Variants in CPS1 observed in about 807,000 individuals in gnomAD.
The protein encoded by CPS1 is carbamoyl-phosphate synthase 1.
In CPS1, 109 loss-of-function variants were observed where a neutral mutation model predicts 174.6. That is an observed-to-expected ratio of 0.62 (90% CI 0.53 to 0.73). The LOEUF (loss-of-function observed/expected upper bound fraction) is 0.73, where lower values mean the gene tolerates loss of function less well. Ranked by LOEUF, CPS1 falls within the 30% of genes least tolerant of loss-of-function variation. CPS1 has a pLI of 0.00. For synonymous variants in CPS1, 637 were observed against 632.0 expected (o/e 1.01, Z -0.12); for missense variants, 1,689 against 1,821.9 (o/e 0.93, Z 1.33).
intron 28 of CPS1, among the ~76,000 whole-genome samples, chr2:210,650,814 C>T (rs1197766022): frequency 6.6e-6 from 1 of 152,166 alleles, no homozygotes; most frequent in African/African-American, 2.4e-5. Context: ...GGCTGCTCAA[C>T]CATGCTCACC....
chr2:210,617,019 G>A (rs1022415179), intron 21 of CPS1, among the ~76,000 whole-genome samples: 5 of 151,940 alleles, frequency 3.3e-5, no homozygotes, highest in Admixed American at 6.6e-5. Flanking sequence ...TTTAAATTGG[G>A]ACATTCAGTT....
At chr2:210,652,977 G>A (rs1174372226) in intron 28 of CPS1, among the ~76,000 whole-genome samples, 1 of 152,174 alleles carries the variant, frequency 6.6e-6, no homozygotes, top group Non-Finnish European at 1.5e-5. Flanking sequence ...GATACCAAAG[G>A]AAGAAAGTGT....
chr2:210,667,205 T>G (rs1351532594), intron 33 of CPS1, among the ~76,000 whole-genome samples: 1 of 152,194 alleles, frequency 6.6e-6, no homozygotes, highest in Admixed American at 6.5e-5. Flanking sequence ...TGAAGTTGCT[T>G]ATCAGCTTAA....
At chr2:210,587,487 A>G (rs182511183) in intron 6 of CPS1, among the ~76,000 whole-genome samples, 4 of 152,180 alleles carry the variant, frequency 2.6e-5, no homozygotes, top group African/African-American at 9.6e-5. Context: ...TATGAAATCT[A>G]CCATTTAAAT....
chr2:210,597,660 G>A (rs1240174990), intron 13 of CPS1, among the ~76,000 whole-genome samples: 1 of 151,740 alleles, frequency 6.6e-6, no homozygotes, highest in African/African-American at 2.4e-5. Flanking sequence ...ACATGCTAAT[G>A]TATGAAATAA....
chr2:210,545,398 G>A (rs1166134069), intron 1 of CPS1, among the ~76,000 whole-genome samples: 4 of 151,912 alleles, frequency 2.6e-5, no homozygotes, highest in Non-Finnish European at 5.9e-5. Context: ...ATATAACTTT[G>A]GTATGAGCCT....
chr2:210,653,955 A>G, intron 28 of CPS1, 70 bp from the exon 29 acceptor site: 2 of 1,200,702 alleles, frequency 1.7e-6, no homozygotes, highest in Non-Finnish European at 2.5e-6. Context: ...TACTTAAAGT[A>G]CATGGCTTAT....
At chr2:210,619,025 G>A (rs1699413279) in intron 21 of CPS1, 1 of 152,018 alleles carries the variant, frequency 6.6e-6, no homozygotes, top group African/African-American at 2.4e-5. Context: ...GATTTATTTG[G>A]TGTGCGTTCA....
intron 16 of CPS1, 149 bp from the exon 17 acceptor site, chr2:210,604,953 C>A: frequency 1.3e-6 from 1 of 764,732 alleles, no homozygotes; most frequent in Non-Finnish European, 2.2e-6. Flanking sequence ...GATTTTCTGA[C>A]ACATTGTGCC....
chr2:210,590,355 C>A, intron 8 of CPS1, 121 bp downstream of exon 8: 1 of 1,403,526 alleles, frequency 7.1e-7, no homozygotes, highest in Non-Finnish European at 1.0e-6. Flanking sequence ...GTATTTGTGA[C>A]TTCTGAGGCA....
intron 9 of CPS1, 114 bp downstream of exon 9, chr2:210,591,020 C>A: frequency 2.4e-6 from 1 of 414,178 alleles, no homozygotes; most frequent in Non-Finnish European, 4.4e-6. Flanking sequence ...GCACATGTAC[C>A]CTAAAACTTA....
chr2:210,592,020 T>C (rs1273607557), intron 10 of CPS1, 51 bp downstream of exon 10: 1 of 1,574,076 alleles, frequency 6.4e-7, no homozygotes, highest in Non-Finnish European at 8.6e-7. Flanking sequence ...ACGCAGGGCT[T>C]TTAAAAATAA....
chr2:210,514,295 T>C (rs1367176382), intron 1 of CPS1, among the ~76,000 whole-genome samples: 1 of 152,054 alleles, frequency 6.6e-6, no homozygotes, highest in Non-Finnish European at 1.5e-5. Flanking sequence ...TTTAATAATA[T>C]TGATTCTTCC....
intron 1 of CPS1, among the ~76,000 whole-genome samples, chr2:210,566,486 C>T (rs749696267): frequency 6.6e-6 from 1 of 152,090 alleles, no homozygotes; most frequent in African/African-American, 2.4e-5. Context: ...TCTTGGTTGA[C>T]CTGGGCCTGT....
Position 210,664,355 on chromosome 2 carries a change from A to G in CPS1, c.4002+1158A>G, listed in dbSNP as rs139229378. On this transcript the variant is annotated intron_variant, in intron 33 of 37. Coordinates refer to ENST00000233072, the MANE Select transcript of CPS1 (RefSeq NM_001875.5). ...TTTTCTTTCTTCCTTTTTTTTTTGA[A>G]ACGGAGTTTTGCTCGCTCTTGTTGC... Among the ~76,000 whole-genome samples, 248 of 151,480 alleles carry G rather than the reference A, an allele frequency of 1.6e-3. 1 individual carries two copies. Among genetic ancestry groups the G allele is most frequent in the African/African-American group, 5.7e-3 (235 of 41,308 alleles).
At chr2:210,655,624 G>A (rs1700680089) in intron 29 of CPS1, among the ~76,000 whole-genome samples, 1 of 152,002 alleles carries the variant, frequency 6.6e-6, no homozygotes, top group Admixed American at 6.6e-5. Context: ...ACTTATATGT[G>A]GTCTGTTTTA....
intron 1 of CPS1, among the ~76,000 whole-genome samples, chr2:210,520,952 T>C (rs1467696758): frequency 2.0e-5 from 3 of 152,054 alleles, no homozygotes; most frequent in East Asian, 3.9e-4. Context: ...GTCATTTCTC[T>C]TGGGGGAAAA....
chr2:210,582,186 A>G (rs1697944056), intron 5 of CPS1, among the ~76,000 whole-genome samples: 1 of 152,210 alleles, frequency 6.6e-6, no homozygotes, highest in Admixed American at 6.6e-5. Flanking sequence ...TATTACTATC[A>G]TAATGAATGA....
In CPS1 at chr2:210,678,119, AT is replaced by A; in HGVS notation, c.*136del. The stretch of plus-strand genomic sequence containing the variant: ...TCAGTTTACTTTGTTATGCCTTAAT[AT>A]TCTGTGTCTTTTGCAATTAAATTGT... On this transcript the variant is annotated 3_prime_UTR_variant, in exon 38 of 38. Coordinates refer to ENST00000233072, the MANE Select transcript of CPS1 (RefSeq NM_001875.5). 2 of 783,752 alleles carry A rather than the reference AT, an allele frequency of 2.6e-6. No individual in the cohort carries two copies. The highest frequency in any genetic ancestry group is 4.6e-6 in the Non-Finnish European group (2 of 432,638). 48.5% of individuals were successfully genotyped at this position (783,752 alleles called of 1,614,324 possible).
Sources: gnomAD v4.1 joint callset for allele counts (sites outside exome capture counted in the v4.1 genomes callset) on GRCh38, gnomAD v4.1.1 for gene constraint, MANE v1.5 for transcripts, NCBI Gene and HGNC (gene_info 2026-07-23, HGNC 2026-07-21) for gene names.